The following SMAD1 variants were observed in gnomAD, a reference collection of about 807,000 sequenced individuals.
The protein encoded by SMAD1 is MAD, mothers against decapentaplegic homolog 1.
SMAD1 carries 6 observed loss-of-function variants against 41.6 expected under a neutral mutation model. The observed-to-expected ratio is 0.14, with a 90% CI of 0.08 to 0.28. SMAD1 has a LOEUF of 0.28. Ranked by LOEUF, SMAD1 falls within the 10% of genes least tolerant of loss-of-function variation. The probability of loss-of-function intolerance (pLI) is 1.00; values close to 1 mark genes in which losing one functional copy is unlikely to be tolerated. For missense variants in SMAD1, 379 were observed against 582.6 expected (o/e 0.65, Z 3.60); for synonymous variants, 206 against 203.2 (o/e 1.01, Z -0.12).
At chr4:145,550,983 C>T (rs1427473689) in intron 5 of SMAD1, among the ~76,000 whole-genome samples, 1 of 152,144 alleles carries the variant, frequency 6.6e-6, no homozygotes, top group African/African-American at 2.4e-5. Flanking sequence ...TTTAAAACAA[C>T]TCTTTTCAGA....
At chr4:145,537,147 A>G (rs1435785105) in intron 2 of SMAD1, among the ~76,000 whole-genome samples, 1 of 152,184 alleles carries the variant, frequency 6.6e-6, no homozygotes, top group African/African-American at 2.4e-5. Context: ...GTATCAGGAA[A>G]TTGCTACATA....
At chr4:145,540,139 C>T in intron 3 of SMAD1, 78 bp downstream of exon 3, 5 of 1,545,662 alleles carry the variant, frequency 3.2e-6, no homozygotes, top group Non-Finnish European at 4.4e-6. Flanking sequence ...GCTGGGTCAA[C>T]CTGCAGTGGA....
intron 1 of SMAD1, chr4:145,484,878 A>G (rs940181071): frequency 2.0e-5 from 3 of 152,192 alleles, no homozygotes; most frequent in Admixed American, 1.3e-4. Context: ...ATCTACTGAC[A>G]TGTTATTTCT....
intron 1 of SMAD1, among the ~76,000 whole-genome samples, chr4:145,492,761 A>G (rs1253432156): frequency 8.5e-5 from 13 of 152,254 alleles, no homozygotes; most frequent in African/African-American, 3.1e-4. Flanking sequence ...ACAGTCAATC[A>G]TTAGCATACA....
intron 1 of SMAD1, among the ~76,000 whole-genome samples, chr4:145,505,995 C>A (rs1729754842): frequency 6.6e-6 from 1 of 151,926 alleles, no homozygotes; most frequent in Non-Finnish European, 1.5e-5. Flanking sequence ...AGGTGTACAC[C>A]ACTATGCCCG....
chr4:145,547,410 A>G (rs940772499), intron 5 of SMAD1, among the ~76,000 whole-genome samples: 2 of 152,208 alleles, frequency 1.3e-5, no homozygotes, highest in Admixed American at 1.3e-4. Context: ...TCCATATAAG[A>G]CAGCACCTTC....
intron 1 of SMAD1, among the ~76,000 whole-genome samples, chr4:145,492,751 A>G (rs1728842224): frequency 6.6e-6 from 1 of 152,236 alleles, no homozygotes; most frequent in Non-Finnish European, 1.5e-5. Flanking sequence ...CTGCCAGCCA[A>G]CAGTCAATCA....
chr4:145,491,716 T>C (rs536107814), intron 1 of SMAD1, among the ~76,000 whole-genome samples: 20 of 152,236 alleles, frequency 1.3e-4, no homozygotes, highest in African/African-American at 4.3e-4. Flanking sequence ...CATAACATGG[T>C]TTTCGTCCAG....
chr4:145,554,293 C>T (rs575316438), intron 6 of SMAD1, among the ~76,000 whole-genome samples: 23 of 151,732 alleles, frequency 1.5e-4, no homozygotes, highest in African/African-American at 5.6e-4. Flanking sequence ...CAGATAGCAC[C>T]GCTTTAGCTA....
In SMAD1 at chr4:145,558,333, A is replaced by C. The variant is rs1399593025; in HGVS notation, c.*399A>C. 6.6e-6 allele frequency among the ~76,000 whole-genome samples: 1 copy of C among 152,118 alleles called. No homozygotes were observed. The highest frequency in any genetic ancestry group is 2.1e-4 in the South Asian group (1 of 4,832). On this transcript the variant is annotated 3_prime_UTR_variant, in exon 7 of 7. Coordinates refer to ENST00000302085, the MANE Select transcript of SMAD1 (RefSeq NM_005900.3). ...GTTTAGCATTAATAGTTGTTCTGAA[A>C]CGTGTTTTATCAGGTTTAGAGCCCA...
chr4:145,539,110 T>G (rs1731780941), intron 2 of SMAD1, among the ~76,000 whole-genome samples: 2 of 152,244 alleles, frequency 1.3e-5, no homozygotes, highest in Non-Finnish European at 1.5e-5. Context: ...ATGAACTAAT[T>G]CTTCCTTGAC....
intron 2 of SMAD1, among the ~76,000 whole-genome samples, chr4:145,535,637 C>T (rs1329803086): frequency 1.3e-5 from 2 of 151,704 alleles, no homozygotes; most frequent in African/African-American, 4.8e-5. Context: ...TTGCTTTTTT[C>T]AAGAAGAAAC....
intron 1 of SMAD1, among the ~76,000 whole-genome samples, chr4:145,491,304 G>A (rs371309840): frequency 1.1e-4 from 17 of 152,246 alleles, no homozygotes; most frequent in Middle Eastern, 3.4e-3. Context: ...AAGATTCTGC[G>A]CCTGTAATCC....
At chr4:145,508,403 CT>C (rs1181394081) in intron 1 of SMAD1, among the ~76,000 whole-genome samples, 1 of 152,048 alleles carries the variant, frequency 6.6e-6, no homozygotes, top group Non-Finnish European at 1.5e-5. Flanking sequence ...GTCTACATAA[CT>C]TTGGACAAGA....
At chr4:145,535,276 C>A (rs554950158) in intron 2 of SMAD1, among the ~76,000 whole-genome samples, 9 of 152,276 alleles carry the variant, frequency 5.9e-5, no homozygotes, top group African/African-American at 2.2e-4. Flanking sequence ...GAAAGGGGTA[C>A]TTGACAATAA....
At chr4:145,513,131 T>C (rs1642737838) in intron 1 of SMAD1, 1 of 152,250 alleles carries the variant, frequency 6.6e-6, no homozygotes. Context: ...GTTACCTCTT[T>C]CTGCTCGGCT....
chr4:145,487,724 G>A (rs1275026995), intron 1 of SMAD1, among the ~76,000 whole-genome samples: 1 of 152,160 alleles, frequency 6.6e-6, no homozygotes, highest in Non-Finnish European at 1.5e-5. Flanking sequence ...TACTCATCTT[G>A]CTCTGCGTTA....
At chr4:145,541,624 G>A (rs1731939949) in intron 3 of SMAD1, among the ~76,000 whole-genome samples, 1 of 152,194 alleles carries the variant, frequency 6.6e-6, no homozygotes, top group Admixed American at 6.5e-5. Flanking sequence ...AAGTTACCAG[G>A]TTGTGATTCA....
At chr4:145,484,254 C>T (rs1728353593) in intron 1 of SMAD1, among the ~76,000 whole-genome samples, 2 of 152,128 alleles carry the variant, frequency 1.3e-5, no homozygotes, top group Admixed American at 6.5e-5. Flanking sequence ...TCTTACAAGG[C>T]TAATGGAGGC....
Sources: allele counts gnomAD v4.1 joint callset (sites outside exome capture counted in the v4.1 genomes callset), GRCh38; gene constraint gnomAD v4.1.1; transcripts MANE v1.5; gene names NCBI Gene and HGNC (gene_info 2026-07-23, HGNC 2026-07-21).